The following LRGUK variants were observed in gnomAD, a reference collection of about 807,000 sequenced individuals.
LRGUK encodes the protein leucine rich repeats and guanylate kinase domain containing, also known as leucine-rich repeat and guanylate kinase domain-containing protein.
In LRGUK, 65 loss-of-function variants were observed where a neutral mutation model predicts 76.0. The observed-to-expected ratio is 0.85, with a 90% CI of 0.70 to 1.05. LRGUK has a LOEUF of 1.05. Ranked by LOEUF, LRGUK falls within the 50% of genes least tolerant of loss-of-function variation. The probability of loss-of-function intolerance (pLI) is 0.00; values close to 1 mark genes in which losing one functional copy is unlikely to be tolerated. For missense variants in LRGUK, 758 were observed against 732.8 expected (o/e 1.03, Z -0.40); for synonymous variants, 268 against 265.6 (o/e 1.01, Z -0.09).
intron 15 of LRGUK, among the ~76,000 whole-genome samples, chr7:134,219,901 C>T (rs940144460): frequency 6.6e-6 from 1 of 152,124 alleles, no homozygotes; most frequent in African/African-American, 2.4e-5. Context: ...GGTGGACTTC[C>T]TCTGACCACC....
chr7:134,206,954 G>A (rs1031460252), intron 15 of LRGUK, among the ~76,000 whole-genome samples: 10 of 152,278 alleles, frequency 6.6e-5, no homozygotes, highest in South Asian at 2.1e-4. Context: ...TGACTAGTCC[G>A]TAAAGTTTTC....
intron 18 of LRGUK, 42 bp from the exon 19 acceptor site, chr7:134,258,215 A>G: frequency 6.2e-7 from 1 of 1,612,184 alleles, no homozygotes; most frequent in Non-Finnish European, 8.5e-7. Context: ...AGTAGCGAAT[A>G]GTTTGGATCT....
At chr7:134,226,218 ATGTGTGTGTGTGTGTGTGTGTG>A (rs57035440) in intron 16 of LRGUK, among the ~76,000 whole-genome samples, 3 of 141,788 alleles carry the variant, frequency 2.1e-5, no homozygotes, top group Admixed American at 6.8e-5. Context: ...CCCATCTCCA[ATGTGTGTGTGTGTGTGTGTGTG>A]TGTGTGTGTG....
chr7:134,152,039 A>G (rs1798243117), intron 5 of LRGUK, among the ~76,000 whole-genome samples: 1 of 152,094 alleles, frequency 6.6e-6, no homozygotes, highest in Non-Finnish European at 1.5e-5. Flanking sequence ...GTCTTAGCCA[A>G]CACCATAAAA....
At chr7:134,127,745 C>G in intron 1 of LRGUK, 81 bp downstream of exon 1, 1 of 1,471,254 alleles carries the variant, frequency 6.8e-7, no homozygotes, top group South Asian at 1.4e-5. Flanking sequence ...CGATGCACCC[C>G]CACCAGCCCG....
chr7:134,254,260 T>C (rs1211723896), intron 18 of LRGUK, among the ~76,000 whole-genome samples: 7 of 152,152 alleles, frequency 4.6e-5, no homozygotes, highest in African/African-American at 1.7e-4. Context: ...TTTCACAATC[T>C]TTTGGGGAGC....
At chr7:134,214,386 T>A (rs1289982883), downstream of LRGUK, among the ~76,000 whole-genome samples, 2 of 152,196 alleles carry the variant, frequency 1.3e-5, no homozygotes, top group African/African-American at 2.4e-5. Flanking sequence ...ATTTTGTATA[T>A]CTTCAGTCTA....
intron 11 of LRGUK, among the ~76,000 whole-genome samples, chr7:134,190,909 C>T (rs890667344): frequency 1.4e-5 from 2 of 148,086 alleles, no homozygotes; most frequent in Non-Finnish European, 3.0e-5. Flanking sequence ...AGTAGTTGAG[C>T]GGTAAGCAGT....
chr7:134,175,193 GTCCT>G (rs1799430675), intron 8 of LRGUK, among the ~76,000 whole-genome samples: 1 of 152,114 alleles, frequency 6.6e-6, no homozygotes. Flanking sequence ...AGTGTTTCAA[GTCCT>G]TCTCTTTCTC....
intron 5 of LRGUK, among the ~76,000 whole-genome samples, chr7:134,149,994 G>C (rs1264577572): frequency 6.6e-6 from 1 of 152,212 alleles, no homozygotes; most frequent in Non-Finnish European, 1.5e-5. Flanking sequence ...GGTTGGTCTA[G>C]GCCGGGCGTG....
intron 18 of LRGUK, among the ~76,000 whole-genome samples, chr7:134,251,252 G>A (rs1012729788): frequency 6.6e-6 from 1 of 152,160 alleles, no homozygotes; most frequent in African/African-American, 2.4e-5. Flanking sequence ...GGCTGTCCTT[G>A]TAAAAAGGAG....
intron 10 of LRGUK, among the ~76,000 whole-genome samples, chr7:134,182,123 C>T (rs905156919): frequency 1.5e-4 from 23 of 152,142 alleles, no homozygotes; most frequent in African/African-American, 5.6e-4. Flanking sequence ...TTGGGATTGG[C>T]TTTTTTTCAC....
chr7:134,199,369 TATTAAA>T, exon 14 of LRGUK: 1 of 1,613,880 alleles, frequency 6.2e-7, no homozygotes, highest in Non-Finnish European at 8.5e-7. Context: ...TGGACCTTTA[TATTAAA>T]ATTAATCAGA....
At chr7:134,192,714 G>A (rs1351663963) in intron 12 of LRGUK, among the ~76,000 whole-genome samples, 2 of 152,140 alleles carry the variant, frequency 1.3e-5, no homozygotes, top group African/African-American at 4.8e-5. Context: ...CACGACCAAT[G>A]AATCTGTAAA....
At chr7:134,159,298 C>G (rs1372646215) in intron 6 of LRGUK, among the ~76,000 whole-genome samples, 1 of 147,966 alleles carries the variant, frequency 6.8e-6, no homozygotes, top group African/African-American at 2.5e-5. Flanking sequence ...GATCATGTCA[C>G]TGCACTGCAG....
Position 134,241,206 on chromosome 7 carries a change from T to G in LRGUK, c.1984-6350T>G, listed in dbSNP as rs547556091. Among the ~76,000 whole-genome samples the G allele has an allele frequency of 2.6e-5, 4 of 152,248 alleles. No homozygotes were observed. In the East Asian group the frequency reaches 7.7e-4, roughly 29 times the overall value. ...GGATCAAATTCACACGTAACAATAT[T>G]AACCTTAAATGTAAATGGGCTAAAT... On this transcript the variant is annotated intron_variant, in intron 16 of 19. Transcript: ENST00000285928.
intron 11 of LRGUK, among the ~76,000 whole-genome samples, chr7:134,185,927 G>T (rs1174111443): frequency 2.0e-5 from 3 of 152,046 alleles, no homozygotes; most frequent in Admixed American, 2.0e-4. Flanking sequence ...AAAAGTTAAT[G>T]TTAGAATAAA....
chr7:134,141,474 G>T (rs1213521361), intron 3 of LRGUK: 3 of 152,262 alleles, frequency 2.0e-5, no homozygotes, highest in African/African-American at 7.2e-5. Context: ...GGGCAAGGAG[G>T]TCACTGCACT....
chr7:134,162,826 CAAAAAAAAAA>C (rs11445116), intron 6 of LRGUK, among the ~76,000 whole-genome samples: 5 of 61,172 alleles, frequency 8.2e-5, no homozygotes, highest in Admixed American at 2.2e-4. Context: ...GACTCCTTCT[CAAAAAAAAAA>C]AAAAAAAAAA....
Sources: gnomAD v4.1 joint callset for allele counts (sites outside exome capture counted in the v4.1 genomes callset) on GRCh38, gnomAD v4.1.1 for gene constraint, MANE v1.5 for transcripts, NCBI Gene and HGNC (gene_info 2026-07-23, HGNC 2026-07-21) for gene names.